Variants in ENOX1 observed in about 807,000 individuals in gnomAD.
ENOX1 encodes the protein ecto-NOX disulfide-thiol exchanger 1.
In ENOX1, 42 loss-of-function variants were observed where a neutral mutation model predicts 82.5. That is an observed-to-expected ratio of 0.51 (90% CI 0.40 to 0.66). The LOEUF (loss-of-function observed/expected upper bound fraction) is 0.66, where lower values mean the gene tolerates loss of function less well. Ranked by LOEUF, ENOX1 falls within the 30% of genes least tolerant of loss-of-function variation. ENOX1 has a pLI of 0.00. For synonymous variants in ENOX1, 271 were observed against 282.2 expected (o/e 0.96, Z 0.40); for missense variants, 608 against 811.6 (o/e 0.75, Z 3.05).
chr13:43,423,763 C>T (rs911585865), intron 3 of ENOX1, among the ~76,000 whole-genome samples: 1 of 152,210 alleles, frequency 6.6e-6, no homozygotes, highest in Non-Finnish European at 1.5e-5. Flanking sequence ...ACCATCTTAC[C>T]TAGCCACAGA....
intron 15 of ENOX1, among the ~76,000 whole-genome samples, chr13:43,226,151 G>A (rs1194071543): frequency 6.6e-6 from 1 of 152,028 alleles, no homozygotes; most frequent in Non-Finnish European, 1.5e-5. Context: ...TGGTGAAGTG[G>A]CATTCTAAGT....
At chr13:43,422,203 C>T (rs972928392) in intron 3 of ENOX1, among the ~76,000 whole-genome samples, 1 of 152,110 alleles carries the variant, frequency 6.6e-6, no homozygotes, top group Admixed American at 6.5e-5. Context: ...TTTAAGATTC[C>T]ACACCTCCCT....
chr13:43,515,054 C>T (rs1015030361), intron 2 of ENOX1, among the ~76,000 whole-genome samples: 1 of 152,072 alleles, frequency 6.6e-6, no homozygotes, highest in African/African-American at 2.4e-5. Context: ...GGGAATGCAA[C>T]AATATTAACC....
intron 11 of ENOX1, among the ~76,000 whole-genome samples, chr13:43,310,795 G>GA (rs1257300507): frequency 6.6e-6 from 1 of 151,992 alleles, no homozygotes; most frequent in Non-Finnish European, 1.5e-5. Flanking sequence ...TAGTTCTACA[G>GA]AAAAAAGCTT....
chr13:43,723,650 C>T (rs777893230), intron 1 of ENOX1, among the ~76,000 whole-genome samples: 1 of 152,112 alleles, frequency 6.6e-6, no homozygotes, highest in Non-Finnish European at 1.5e-5. Context: ...ACTGAAGATA[C>T]TCAAAATTTA....
chr13:43,595,295 TCTC>T (rs1233446150), intron 2 of ENOX1, among the ~76,000 whole-genome samples: 4 of 152,246 alleles, frequency 2.6e-5, no homozygotes, highest in Middle Eastern at 3.4e-3. Flanking sequence ...TTCTTTGGTG[TCTC>T]CTGTTTTCTT....
At position 43,616,170 on chromosome 13, in the gene ENOX1, C is replaced by CTATATAGA. The variant is rs1566641829; in HGVS notation, c.-219+51308_-219+51309insTCTATATA. Among the ~76,000 whole-genome samples the CTATATAGA allele has an allele frequency of 3.4e-3, 27 of 7,868 alleles. 3 individuals are homozygous for CTATATAGA. The highest frequency in any genetic ancestry group is 0.015 in the South Asian group (1 of 66). 5.2% of individuals were successfully genotyped at this position (7,868 alleles called of 152,430 possible). On this transcript the variant is annotated intron_variant, in intron 2 of 16. Transcript: ENST00000690772. Reference sequence around the variant, plus strand: ...TCTATATAGATAGATATCTATCTATCTATCTATCTATCTATCTATATATAT... The same window carrying CTATATAGA: ...TCTATATAGATAGATATCTATCTATCTATATAGATATCTATCTATCTATCTATATATAT...
At chr13:43,426,778 G>A (rs2055332285) in intron 3 of ENOX1, among the ~76,000 whole-genome samples, 1 of 152,040 alleles carries the variant, frequency 6.6e-6, no homozygotes, top group African/African-American at 2.4e-5. Flanking sequence ...ACATATTTTT[G>A]TGTACTCATC....
intron 1 of ENOX1, among the ~76,000 whole-genome samples, chr13:43,718,750 C>T (rs1002554970): frequency 2.1e-5 from 3 of 142,172 alleles, no homozygotes; most frequent in East Asian, 2.1e-4. Flanking sequence ...TTAGGAATAA[C>T]GATATAATGT....
intron 1 of ENOX1, among the ~76,000 whole-genome samples, chr13:43,718,811 G>C (rs548209605): frequency 8.6e-5 from 13 of 151,808 alleles, no homozygotes; most frequent in African/African-American, 3.1e-4. Context: ...CCCTTGTGCA[G>C]GTATTCTACT....
At chr13:43,429,727 T>C (rs2055547675) in intron 3 of ENOX1, among the ~76,000 whole-genome samples, 1 of 152,188 alleles carries the variant, frequency 6.6e-6, no homozygotes, top group Non-Finnish European at 1.5e-5. Context: ...CATGAATTAA[T>C]ATTAAAAATG....
At chr13:43,488,152 A>G (rs949276076) in intron 2 of ENOX1, among the ~76,000 whole-genome samples, 2 of 152,174 alleles carry the variant, frequency 1.3e-5, no homozygotes, top group Non-Finnish European at 1.5e-5. Context: ...CTAATCAAGG[A>G]GAGTTCTATG....
chr13:43,635,112 G>A (rs2083364687), intron 2 of ENOX1, among the ~76,000 whole-genome samples: 1 of 152,172 alleles, frequency 6.6e-6, no homozygotes, highest in South Asian at 2.1e-4. Context: ...CAGAAAGCCT[G>A]AAATCTGGGT....
At chr13:43,514,284 C>G (rs1449842410) in intron 2 of ENOX1, among the ~76,000 whole-genome samples, 1 of 152,080 alleles carries the variant, frequency 6.6e-6, no homozygotes, top group Non-Finnish European at 1.5e-5. Flanking sequence ...ACAGTAAGTC[C>G]CTATGGGTAG....
At chr13:43,642,690 GGATT>G (rs2083707477) in intron 2 of ENOX1, among the ~76,000 whole-genome samples, 1 of 152,082 alleles carries the variant, frequency 6.6e-6, no homozygotes, top group African/African-American at 2.4e-5. Flanking sequence ...GATCCCACTG[GGATT>G]GGATTCCTTT....
At chr13:43,538,736 A>G (rs1234249256) in intron 2 of ENOX1, among the ~76,000 whole-genome samples, 2 of 151,864 alleles carry the variant, frequency 1.3e-5, no homozygotes, top group African/African-American at 4.8e-5. Context: ...TTTCATTCTT[A>G]CCACCTGGCT....
intron 3 of ENOX1, among the ~76,000 whole-genome samples, chr13:43,415,232 GTTTTTTTTT>G (rs71202260): frequency 1.8e-5 from 1 of 54,634 alleles, no homozygotes; most frequent in African/African-American, 7.4e-5. Flanking sequence ...CCAATCCAAT[GTTTTTTTTT>G]TTTTTTTTTT....
At chr13:43,434,620 A>G (rs188681615) in intron 3 of ENOX1, among the ~76,000 whole-genome samples, 1 of 152,222 alleles carries the variant, frequency 6.6e-6, no homozygotes, top group Non-Finnish European at 1.5e-5. Flanking sequence ...TAATAGCTAT[A>G]TTTGCTTTGA....
At chr13:43,536,827 T>A (rs1169931067) in intron 2 of ENOX1, among the ~76,000 whole-genome samples, 1 of 152,230 alleles carries the variant, frequency 6.6e-6, no homozygotes, top group African/African-American at 2.4e-5. Flanking sequence ...TTGTCCTGTA[T>A]CTAAATGGAT....
Sources: allele counts gnomAD v4.1 joint callset (sites outside exome capture counted in the v4.1 genomes callset), GRCh38; gene constraint gnomAD v4.1.1; transcripts MANE v1.5; gene names NCBI Gene and HGNC (gene_info 2026-07-23, HGNC 2026-07-21).